ZMYND11: variants seen among roughly 807,000 people sequenced by gnomAD.
ZMYND11 encodes the protein zinc finger MYND domain-containing protein 11.
ZMYND11 carries 9 observed loss-of-function variants against 84.9 expected under a neutral mutation model. The observed-to-expected ratio is 0.11, with a 90% CI of 0.06 to 0.18. The LOEUF (loss-of-function observed/expected upper bound fraction) is 0.18. ZMYND11 is among the 10% of genes least tolerant of loss of function. ZMYND11 has a pLI of 1.00. For missense variants in ZMYND11, 409 were observed against 761.0 expected, an observed-to-expected ratio of 0.54 and a Z score of 5.44; for synonymous variants, 250 against 244.1, an observed-to-expected ratio of 1.02 and a Z score of -0.23.
At chr10:167,481 A>AG (rs1299888774) in intron 1 of ZMYND11, among the ~76,000 whole-genome samples, 2 of 152,146 alleles carry the variant, frequency 1.3e-5, no homozygotes, top group African/African-American at 4.8e-5. Context: ...AGTAATTAAA[A>AG]AATTTTTTAA....
chr10:137,964 C>G (rs577678954), intron 1 of ZMYND11, among the ~76,000 whole-genome samples: 1 of 152,090 alleles, frequency 6.6e-6, no homozygotes, highest in Non-Finnish European at 1.5e-5. Flanking sequence ...TTTACAGTCT[C>G]TAAATTGGAC....
chr10:201,125 CCTCTGAGCCAGTA>C (rs1943066794), intron 2 of ZMYND11, among the ~76,000 whole-genome samples: 1 of 151,760 alleles, frequency 6.6e-6, no homozygotes, highest in African/African-American at 2.4e-5. Context: ...TGTTTTCAGT[CCTCTGAGCCAGTA>C]CACTGAGCCA....
intron 1 of ZMYND11, among the ~76,000 whole-genome samples, chr10:156,849 C>G (rs1198204118): frequency 6.6e-6 from 1 of 152,074 alleles, no homozygotes; most frequent in Non-Finnish European, 1.5e-5. Flanking sequence ...AAAATACAAA[C>G]AAAAAATACC....
intron 3 of ZMYND11, among the ~76,000 whole-genome samples, chr10:216,046 A>G: frequency 6.6e-6 from 1 of 152,334 alleles, no homozygotes; most frequent in African/African-American, 2.4e-5. Context: ...CTTTTCTGTC[A>G]TCATCTGTTC....
chr10:199,368 T>C (rs1266503209), intron 2 of ZMYND11, among the ~76,000 whole-genome samples: 1 of 145,354 alleles, frequency 6.9e-6, no homozygotes, highest in Non-Finnish European at 1.5e-5. Context: ...TGTGTATGCA[T>C]GTACGTATGT....
At chr10:194,074 T>G (rs984328628) in intron 2 of ZMYND11, among the ~76,000 whole-genome samples, 2 of 152,132 alleles carry the variant, frequency 1.3e-5, no homozygotes, top group Admixed American at 1.3e-4. Flanking sequence ...AGCCTCAACC[T>G]CCTGGGCTCA....
chr10:249,569 C>G (rs1292752213), intron 14 of ZMYND11: 23 of 984,974 alleles, frequency 2.3e-5, no homozygotes, highest in Admixed American at 6.2e-5. Context: ...TCTCATTGGT[C>G]TCTAACTACC....
chr10:200,470 G>A (rs1490617025), intron 2 of ZMYND11, among the ~76,000 whole-genome samples: 1 of 150,512 alleles, frequency 6.6e-6, no homozygotes, highest in African/African-American at 2.4e-5. Flanking sequence ...TTTAGAGACA[G>A]GGTCTTGCTG....
intron 1 of ZMYND11, among the ~76,000 whole-genome samples, chr10:141,861 GAT>G (rs1348206748): frequency 5.3e-5 from 8 of 152,300 alleles, no homozygotes; most frequent in African/African-American, 1.9e-4. Flanking sequence ...GAACATGAAA[GAT>G]ATTAAAAAAT....
At chr10:162,206 C>T (rs2131509188) in intron 1 of ZMYND11, among the ~76,000 whole-genome samples, 1 of 152,272 alleles carries the variant, frequency 6.6e-6, no homozygotes, top group East Asian at 1.9e-4. Context: ...AGTCAGAACA[C>T]ACACAACATT....
At chr10:157,779 G>C (rs1489858243) in intron 1 of ZMYND11, among the ~76,000 whole-genome samples, 2 of 152,162 alleles carry the variant, frequency 1.3e-5, no homozygotes, top group African/African-American at 4.8e-5. Flanking sequence ...GGTTTCTACT[G>C]TATTTACAAG....
At chr10:239,601 A>G (rs1950550680) in intron 7 of ZMYND11, 76 bp downstream of exon 7, 1 of 1,034,248 alleles carries the variant, frequency 9.7e-7, no homozygotes, top group Non-Finnish European at 1.5e-6. Flanking sequence ...TATCTTTTAT[A>G]AAACATTACT....
chr10:134,125 C>G (rs369232504), upstream of ZMYND11, among the ~76,000 whole-genome samples: 8 of 152,260 alleles, frequency 5.3e-5, no homozygotes, highest in South Asian at 1.7e-3. Context: ...ACTACGTTTT[C>G]TCCTATACAC....
chr10:201,173 T>C (rs907235173), intron 2 of ZMYND11, among the ~76,000 whole-genome samples: 1 of 152,078 alleles, frequency 6.6e-6, no homozygotes, highest in Admixed American at 6.6e-5. Context: ...GGTACTGAAA[T>C]TGGGGGGCAG....
intron 3 of ZMYND11, among the ~76,000 whole-genome samples, chr10:212,723 C>G (rs1343069868): frequency 6.6e-6 from 1 of 150,756 alleles, no homozygotes; most frequent in Non-Finnish European, 1.5e-5. Flanking sequence ...AGTTTTTGAC[C>G]AATGAATAAA....
Position 221,370 on chromosome 10 carries a change from A to G in ZMYND11, c.438+14A>G, listed in dbSNP as rs368031834. On this transcript the variant is annotated intron_variant, in intron 4 of 14. Coordinates refer to ENST00000381604, the MANE Select transcript of ZMYND11 (RefSeq NM_001370100.5). ...CCAGTTTGCAGGGTGAGTACCTATG[A>G]GCTTTCCTGTGCTGGTTAGAGGGTT... The G allele has an allele frequency of 4.3e-6, 7 of 1,612,102 alleles. No individual in the cohort carries two copies. Among genetic ancestry groups the G allele is most frequent in the Non-Finnish European group, 5.9e-6 (7 of 1,179,060 alleles).
chr10:188,498 A>G (rs1939388181), intron 2 of ZMYND11, among the ~76,000 whole-genome samples: 1 of 149,822 alleles, frequency 6.7e-6, no homozygotes, highest in African/African-American at 2.5e-5. Context: ...GAGGCTGAGG[A>G]GGGAGGATGG....
intron 4 of ZMYND11, among the ~76,000 whole-genome samples, chr10:233,007 C>A (rs1042286291): frequency 1.3e-5 from 2 of 152,204 alleles, no homozygotes; most frequent in Non-Finnish European, 2.9e-5. Flanking sequence ...AGAACACCAG[C>A]AAAGGTTAGA....
At chr10:142,112 GTT>G (rs1320704549) in intron 1 of ZMYND11, among the ~76,000 whole-genome samples, 2 of 152,126 alleles carry the variant, frequency 1.3e-5, no homozygotes, top group Non-Finnish European at 2.9e-5. Flanking sequence ...TGTTATTTGT[GTT>G]TTGTTTTGCT....
Sources: allele counts gnomAD v4.1 joint callset (sites outside exome capture counted in the v4.1 genomes callset), GRCh38; gene constraint gnomAD v4.1.1; transcripts MANE v1.5; gene names NCBI Gene and HGNC (gene_info 2026-07-23, HGNC 2026-07-21).